CDH4: variants seen among roughly 807,000 people sequenced by gnomAD.
CDH4 encodes the protein cadherin 4.
A neutral mutation model predicts 86.0 loss-of-function variants in CDH4; 33 were observed. That is an observed-to-expected ratio of 0.38 (90% CI 0.29 to 0.51). The LOEUF is 0.51. Ranked by LOEUF, CDH4 falls within the 20% of genes least tolerant of loss-of-function variation. The pLI is 0.86. For synonymous variants in CDH4, 555 were observed against 549.4 expected (o/e 1.01, Z -0.14); for missense variants, 1,114 against 1,307.4 (o/e 0.85, Z 2.28).
intron 6 of CDH4, among the ~76,000 whole-genome samples, chr20:61,865,135 G>A (rs1178446733): frequency 6.6e-6 from 1 of 150,630 alleles, no homozygotes; most frequent in Non-Finnish European, 1.5e-5. Flanking sequence ...AGCTCTGCCA[G>A]GTACCCCTCC....
chr20:61,736,403 C>T (rs1414455067), intron 2 of CDH4, among the ~76,000 whole-genome samples: 2 of 152,106 alleles, frequency 1.3e-5, no homozygotes, highest in Non-Finnish European at 2.9e-5. Flanking sequence ...TCAAGGAAGC[C>T]CTCCCCACCT....
intron 2 of CDH4, among the ~76,000 whole-genome samples, chr20:61,713,018 C>A (rs968265487): frequency 1.3e-5 from 2 of 152,192 alleles, no homozygotes; most frequent in Non-Finnish European, 2.9e-5. Context: ...AGCAGAAGAG[C>A]CACAGCTCTA....
intron 2 of CDH4, among the ~76,000 whole-genome samples, chr20:61,489,812 A>G (rs1308536970): frequency 2.6e-5 from 4 of 152,240 alleles, no homozygotes; most frequent in Admixed American, 6.5e-5. Context: ...AGAGCCTCAG[A>G]GTCCACATCC....
At position 61,725,748 on chromosome 20, in the gene CDH4, C is replaced by A. The variant is rs113361886; in HGVS notation, c.170-17815C>A. On this transcript the variant is annotated intron_variant, in intron 2 of 15. Coordinates refer to ENST00000614565, the MANE Select transcript of CDH4 (RefSeq NM_001794.5). ...CAGAGAGACACAAGGGGGGAGGAGG[C>A]CAGAGGTGAGGGAGGGGAAGGCGAG... Among the ~76,000 whole-genome samples, 250 of 151,800 alleles carry A rather than the reference C, an allele frequency of 1.6e-3. 1 individual carries two copies. The highest frequency in any genetic ancestry group is 5.7e-3 in the African/African-American group (238 of 41,398).
chr20:61,347,262 A>G (rs887530269), intron 2 of CDH4, among the ~76,000 whole-genome samples: 1 of 152,208 alleles, frequency 6.6e-6, no homozygotes, highest in Admixed American at 6.5e-5. Flanking sequence ...GCCTGGCTAA[A>G]TGCTTGCTCC....
At chr20:61,883,757 C>G (rs1568865870) in intron 7 of CDH4, among the ~76,000 whole-genome samples, 1 of 152,094 alleles carries the variant, frequency 6.6e-6, no homozygotes, top group Non-Finnish European at 1.5e-5. Context: ...GCCTGCTGGA[C>G]TGACGGGACC....
At chr20:61,261,887 C>T (rs1337346425) in intron 2 of CDH4, among the ~76,000 whole-genome samples, 4 of 152,228 alleles carry the variant, frequency 2.6e-5, no homozygotes, top group African/African-American at 9.6e-5. Flanking sequence ...GCAAAACCAG[C>T]CCTGGGATTA....
intron 4 of CDH4, among the ~76,000 whole-genome samples, chr20:61,840,219 G>C (rs1042706236): frequency 1.3e-5 from 2 of 152,198 alleles, no homozygotes; most frequent in African/African-American, 4.8e-5. Flanking sequence ...CACTGGGACA[G>C]CTCTGGCTGA....
In CDH4 at chr20:61,425,946, C is replaced by T. The variant is rs1334160233; in HGVS notation, c.169+171009C>T. Among the ~76,000 whole-genome samples the T allele has an allele frequency of 9.2e-5, 14 of 152,370 alleles. No individual in the cohort carries two copies. The East Asian group carries it at 2.3e-3, about 25-fold the overall frequency. ...CAATTGCAGGAGGTGCTGATGTCCT[C>T]AGATCATCTGAAAACTGAGGCATGT... On this transcript the variant is annotated intron_variant, in intron 2 of 15. Transcript: ENST00000614565.
chr20:61,405,205 G>A (rs1045860493), intron 2 of CDH4, among the ~76,000 whole-genome samples: 2 of 151,808 alleles, frequency 1.3e-5, no homozygotes, highest in Admixed American at 6.6e-5. Flanking sequence ...GATGCGCTGC[G>A]TATCTGTGTC....
At chr20:61,368,161 G>A (rs868556809) in intron 2 of CDH4, among the ~76,000 whole-genome samples, 4 of 151,992 alleles carry the variant, frequency 2.6e-5, no homozygotes, top group Admixed American at 6.5e-5. Flanking sequence ...GAGCCGCTGC[G>A]CCCGGCCTCT....
intron 2 of CDH4, among the ~76,000 whole-genome samples, chr20:61,599,438 C>CA (rs1404542475): frequency 6.6e-6 from 1 of 152,176 alleles, no homozygotes; most frequent in Admixed American, 6.5e-5. Context: ...AATTCATCAG[C>CA]ACCCTGAGTG....
Position 61,863,263 on chromosome 20 carries a change from C to T in CDH4, c.877+10365C>T, listed in dbSNP as rs563445916. 2.6e-5 allele frequency among the ~76,000 whole-genome samples: 4 copies of T among 152,308 alleles called. No individual in the cohort carries two copies. The East Asian group carries it at 7.7e-4, about 29-fold the overall frequency. On this transcript the variant is annotated intron_variant, in intron 6 of 15. Transcript: ENST00000614565. ...TGTCCAGCATCTCCCACGTGAAAGA[C>T]GAGGCTGTTCCTCACCTGCAGCCGG...
At chr20:61,809,579 G>A (rs1980322285) in intron 4 of CDH4, among the ~76,000 whole-genome samples, 1 of 152,186 alleles carries the variant, frequency 6.6e-6, no homozygotes, top group Admixed American at 6.5e-5. Flanking sequence ...AGGGAAAGCA[G>A]GCTGTGAGCA....
chr20:61,778,852 G>A (rs1252087570), intron 4 of CDH4, among the ~76,000 whole-genome samples: 1 of 152,196 alleles, frequency 6.6e-6, no homozygotes, highest in Non-Finnish European at 1.5e-5. Flanking sequence ...GCCCTCCCTG[G>A]TCCAGAATTC....
At chr20:61,371,078 AT>A (rs2084837676) in intron 2 of CDH4, among the ~76,000 whole-genome samples, 2 of 152,194 alleles carry the variant, frequency 1.3e-5, no homozygotes, top group Admixed American at 6.5e-5. Flanking sequence ...CTTGGTGTTA[AT>A]GAATGGATTC....
intron 2 of CDH4, among the ~76,000 whole-genome samples, chr20:61,682,855 T>C (rs915141896): frequency 6.6e-6 from 1 of 152,062 alleles, no homozygotes; most frequent in Non-Finnish European, 1.5e-5. Flanking sequence ...GTTCTTATTG[T>C]GGGGCAATCT....
intron 2 of CDH4, among the ~76,000 whole-genome samples, chr20:61,637,186 G>A (rs2086956304): frequency 6.6e-6 from 1 of 152,186 alleles, no homozygotes; most frequent in African/African-American, 2.4e-5. Flanking sequence ...GGATAGCACA[G>A]GGGTCCCAAG....
At chr20:61,657,619 A>C (rs2210111) in intron 2 of CDH4, among the ~76,000 whole-genome samples, 1 of 152,102 alleles carries the variant, frequency 6.6e-6, no homozygotes, top group Non-Finnish European at 1.5e-5. Flanking sequence ...AGGAGAAGAC[A>C]AACTGTCCTG....
Sources: gnomAD v4.1 joint callset for allele counts (sites outside exome capture counted in the v4.1 genomes callset) on GRCh38, gnomAD v4.1.1 for gene constraint, MANE v1.5 for transcripts, NCBI Gene and HGNC (gene_info 2026-07-23, HGNC 2026-07-21) for gene names.